The following JMJD1C variants were observed in gnomAD, a reference collection of about 807,000 sequenced individuals.
The protein encoded by JMJD1C is jumonji domain-containing protein 1C.
Under a neutral mutation model 245.3 loss-of-function variants are expected in JMJD1C, and 31 were observed. The observed-to-expected ratio is 0.13, with a 90% CI of 0.09 to 0.17. JMJD1C has a LOEUF of 0.17. Among genes scored for constraint, JMJD1C ranks in the 10% least tolerant of loss-of-function variants. The probability of loss-of-function intolerance (pLI) is 1.00; values close to 1 mark genes in which losing one functional copy is unlikely to be tolerated. For missense variants in JMJD1C, 2,691 were observed against 3,000.2 expected, an observed-to-expected ratio of 0.90 and a Z score of 2.41; for synonymous variants, 1,057 against 1,017.4, an observed-to-expected ratio of 1.04 and a Z score of -0.74.
chr10:63,498,006 G>C (rs1227068041), intron 1 of JMJD1C, among the ~76,000 whole-genome samples: 1 of 152,182 alleles, frequency 6.6e-6, no homozygotes, highest in Non-Finnish European at 1.5e-5. Context: ...GAGTTGTGCA[G>C]TGAAGTTATA....
chr10:63,195,653 T>A (rs1009246535), intron 13 of JMJD1C, among the ~76,000 whole-genome samples: 3 of 152,040 alleles, frequency 2.0e-5, no homozygotes, highest in Admixed American at 6.6e-5. Context: ...AAAAGAATGA[T>A]ACAGTGGCCA....
intron 18 of JMJD1C, 62 bp from the exon 19 acceptor site, chr10:63,186,445 G>C (rs1239623044): frequency 3.0e-6 from 4 of 1,341,720 alleles, no homozygotes; most frequent in Non-Finnish European, 4.0e-6. Flanking sequence ...TTGTTTGTTT[G>C]TTTGTTTGTT....
At chr10:63,379,642 C>T (rs1947049714) in intron 2 of JMJD1C, among the ~76,000 whole-genome samples, 1 of 152,148 alleles carries the variant, frequency 6.6e-6, no homozygotes, top group Admixed American at 6.5e-5. Context: ...AAAGTATGTT[C>T]CATCTCCCAC....
Position 63,207,786 on chromosome 10 carries a change from T to A in JMJD1C, c.3883A>T (p.Ser1295Cys). The stretch of plus-strand genomic sequence containing the variant: ...GCCATAGCAGCCTGTAACTTTCCGC[T>A]GCTTTTCTCCACATGCCATTCAGTT... ...EKTEWHVEKS[S>C]GKLQAAMASV... is the part of the protein sequence containing the mutation. Residue 1295 changes from serine to cysteine, a missense_variant, in exon 10 of 26, where the codon AGC (serine) becomes TGC (cysteine). Around this residue, in one of 9 missense-constraint regions of JMJD1C, gnomAD observed 1,562 missense variants for 1,490.7 expected, o/e 1.05. Coordinates refer to ENST00000399262, the MANE Select transcript of JMJD1C (RefSeq NM_032776.3). The A allele has an allele frequency of 6.2e-7, 1 of 1,614,214 alleles. No individual in the cohort carries two copies. The highest frequency in any genetic ancestry group is 8.5e-7 in the Non-Finnish European group (1 of 1,180,016).
Position 63,503,684 on chromosome 10 carries a change from T to C in JMJD1C, n.113+18054A>G, listed in dbSNP as rs544295566. Among the ~76,000 whole-genome samples the C allele has an allele frequency of 2.6e-5, 4 of 152,342 alleles. No individual in the cohort carries two copies. In the South Asian group the frequency reaches 6.2e-4, roughly 24 times the overall value. On this transcript the variant is annotated intron_variant and non_coding_transcript_variant, in intron 1 of 3. Coordinates refer to the JMJD1C transcript ENST00000633035. ...CCAGCACGAGCTGAAAAAGCTAAAG[T>C]TGACTCAACATTATTCTTTGCTGTG...
At chr10:63,320,680 T>C (rs1405240710) in intron 2 of JMJD1C, among the ~76,000 whole-genome samples, 2 of 152,238 alleles carry the variant, frequency 1.3e-5, no homozygotes. Context: ...TTGTTTTTTG[T>C]CTCCATTTCC....
intron 21 of JMJD1C, among the ~76,000 whole-genome samples, chr10:63,184,239 A>T (rs929044536): frequency 7.6e-5 from 10 of 131,390 alleles, no homozygotes; most frequent in East Asian, 2.3e-4. Flanking sequence ...TTGAACAGAA[A>T]TTTTTTTTTT....
Position 63,214,736 on chromosome 10 carries a change from A to G in JMJD1C, c.1431T>C (p.Asp477=). ...CCATATTGCATTCCTGAGGAAGTAAATCATTAGAATTATGATCAGAAACTG... is the reference window on the plus strand; with the variant it reads ...CCATATTGCATTCCTGAGGAAGTAAGTCATTAGAATTATGATCAGAAACTG... ...QSTVSDHNSN[D]LLPQECNMDK... The change falls in exon 8 of 26, where the codon GAT becomes GAC. Residue 477 remains aspartate (D), a synonymous_variant. Coordinates refer to ENST00000399262, the MANE Select transcript of JMJD1C (RefSeq NM_032776.3). The G allele has an allele frequency of 6.2e-7, 1 of 1,613,980 alleles. No individual in the cohort carries two copies. The highest frequency in any genetic ancestry group is 1.3e-5 in the African/African-American group (1 of 75,026).
intron 2 of JMJD1C, among the ~76,000 whole-genome samples, chr10:63,299,979 G>A (rs568069802): frequency 6.6e-6 from 1 of 152,044 alleles, no homozygotes; most frequent in Admixed American, 6.6e-5. Flanking sequence ...TAAGACTGTA[G>A]GATAAATTCC....
At position 63,214,517 on chromosome 10, in the gene JMJD1C, A is replaced by T; in HGVS notation, c.1650T>A (p.Asn550Lys). ...NVSDSKHSIA[N>K]AKFLETAKKD... ...TTTTTGCTGTTTCCAAGAATTTTGC[A>T]TTTGCAATAGAGTGTTTTGAATCAC... is the stretch of plus-strand genomic sequence containing the variant. The change falls in exon 8 of 26, where the codon AAT (asparagine) becomes AAA (lysine). Residue 550 changes from asparagine to lysine, a missense_variant. Physicochemically the swap from Asn to Lys is moderately conservative, Grantham distance 94. Transcript: ENST00000399262. 1.9e-6 allele frequency: 3 copies of T among 1,613,950 alleles called. No individual in the cohort carries two copies. Among genetic ancestry groups the T allele is most frequent in the Non-Finnish European group, 2.5e-6 (3 of 1,179,974 alleles).
chr10:63,282,329 G>A (rs1857509771), intron 2 of JMJD1C, among the ~76,000 whole-genome samples: 1 of 152,092 alleles, frequency 6.6e-6, no homozygotes, highest in South Asian at 2.1e-4. Context: ...TAACATTTAG[G>A]TGACAATGAT....
chr10:63,216,120 A>AT (rs1463596267), intron 5 of JMJD1C, among the ~76,000 whole-genome samples: 1 of 152,224 alleles, frequency 6.6e-6, no homozygotes, highest in Non-Finnish European at 1.5e-5. Context: ...GGTTAAAACT[A>AT]TTTTAACAAT....
At chr10:63,305,629 CGTGTGTGTGTGTGTGT>C (rs36038855) in intron 2 of JMJD1C, among the ~76,000 whole-genome samples, 7,825 of 121,754 alleles carry the variant, frequency 0.064, 660 homozygotes, top group African/African-American at 0.19. Context: ...ACCATGCTGG[CGTGTGTGTGTGTGTGT>C]GTGTGTGTGT....
chr10:63,485,952 A>G (rs1372093316), intron 1 of JMJD1C, among the ~76,000 whole-genome samples: 3 of 152,058 alleles, frequency 2.0e-5, no homozygotes, highest in African/African-American at 4.8e-5. Context: ...TTAGTATCAC[A>G]AAGTGAGAAG....
intron 2 of JMJD1C, among the ~76,000 whole-genome samples, chr10:63,354,570 A>G (rs1340402576): frequency 1.3e-5 from 2 of 151,814 alleles, no homozygotes; most frequent in Non-Finnish European, 2.9e-5. Context: ...AAACTTGTAT[A>G]TTTTACTTTT....
intron 2 of JMJD1C, among the ~76,000 whole-genome samples, chr10:63,344,338 A>T (rs1564812321): frequency 6.6e-6 from 1 of 152,194 alleles, no homozygotes; most frequent in East Asian, 1.9e-4. Context: ...ACAGGTTTGT[A>T]GCCTCAGAAC....
chr10:63,258,174 C>A (rs1291382897), intron 3 of JMJD1C, among the ~76,000 whole-genome samples: 3 of 152,092 alleles, frequency 2.0e-5, no homozygotes, highest in Non-Finnish European at 4.4e-5. Flanking sequence ...TTCTAACAAC[C>A]CTGAGGTAGA....
chr10:63,210,676 TAC>T (rs1847208652), intron 8 of JMJD1C, among the ~76,000 whole-genome samples: 3 of 152,314 alleles, frequency 2.0e-5, no homozygotes. Context: ...CAGCTGCAGC[TAC>T]ATTAATGACG....
intron 2 of JMJD1C, among the ~76,000 whole-genome samples, chr10:63,296,503 A>G (rs1859450874): frequency 1.3e-5 from 2 of 152,362 alleles, no homozygotes; most frequent in Middle Eastern, 6.8e-3. Context: ...AACCTAAACC[A>G]GAAAAACAGA....
Sources: gnomAD v4.1 joint callset for allele counts (sites outside exome capture counted in the v4.1 genomes callset) on GRCh38, gnomAD v4.1.1 for gene constraint, gnomAD v4.1.1 regional missense constraint, MANE v1.5 for transcripts, NCBI Gene and HGNC (gene_info 2026-07-23, HGNC 2026-07-21) for gene names.